Variants in RHBG observed in about 807,000 individuals in gnomAD.
The protein encoded by RHBG is ammonium transporter Rh type B.
In RHBG, 39 loss-of-function variants were observed where a neutral mutation model predicts 40.1. The ratio of observed to expected loss-of-function variants is 0.97; its 90% confidence interval spans 0.75 to 1.27. The LOEUF is 1.27. RHBG is among the 50% of genes most tolerant of loss of function. RHBG has a pLI of 0.00. For missense variants in RHBG, 549 were observed against 588.1 expected, an observed-to-expected ratio of 0.93 and a Z score of 0.69; for synonymous variants, 237 against 252.5, an observed-to-expected ratio of 0.94 and a Z score of 0.58.
At chr1:156,380,269 C>G (rs1472928767) in intron 4 of RHBG, among the ~76,000 whole-genome samples, 1 of 151,908 alleles carries the variant, frequency 6.6e-6, no homozygotes, top group East Asian at 2.0e-4. Context: ...TGCCACCATG[C>G]CTGGCTAATT....
chr1:156,376,466 C>G (rs1319707948), intron 1 of RHBG, among the ~76,000 whole-genome samples: 4 of 151,534 alleles, frequency 2.6e-5, no homozygotes, highest in African/African-American at 9.7e-5. Context: ...TGGGTTCAGG[C>G]AATTTTTGTC....
chr1:156,373,595 C>T (rs988621989), intron 1 of RHBG, among the ~76,000 whole-genome samples: 2 of 152,178 alleles, frequency 1.3e-5, no homozygotes, highest in African/African-American at 2.4e-5. Flanking sequence ...AAGAATTTCT[C>T]ATTGTGGAAT....
rs193181406 is a variant in RHBG at position 156,381,990 on chromosome 1, C to A, written c.978+47C>A. 2,449 of 1,609,164 alleles carry A rather than the reference C, an allele frequency of 1.5e-3. 7 individuals carry two copies. The highest frequency in any genetic ancestry group is 1.8e-3 in the Non-Finnish European group (2,131 of 1,178,862). On this transcript the variant is annotated intron_variant, in intron 6 of 9. Transcript: ENST00000537040. ...TGGGCAGAACATGGAGTCTTTGGTA[C>A]CTTTCCTCCCGCCTCTCCAACAGGA...
rs939947712 is a variant in RHBG at position 156,381,201 on chromosome 1, C to T, written c.674-146C>T. On this transcript the variant is annotated intron_variant, in intron 4 of 9. Transcript: ENST00000537040. ...ACAGGCGTGAGCCACCGTGCCCAGC[C>T]CAAGGTGGTATTATTATCAATCCCA... 13 of 861,004 alleles carry T rather than the reference C, an allele frequency of 1.5e-5. No individual in the cohort carries two copies. In the African/African-American group the frequency reaches 2.0e-4, roughly 13 times the overall value. 53.3% of individuals were successfully genotyped at this position (861,004 alleles called of 1,614,324 possible). A position where few individuals can be genotyped will look rare whatever the true frequency, so the allele number is the denominator to read the frequency against.
At chr1:156,372,504 G>T (rs913194622) in intron 1 of RHBG, among the ~76,000 whole-genome samples, 1 of 152,230 alleles carries the variant, frequency 6.6e-6, no homozygotes, top group African/African-American at 2.4e-5. Flanking sequence ...CTTACTTGCA[G>T]AGAGAGGGAT....
Position 156,377,385 on chromosome 1 carries a change from G to A in RHBG, c.272G>A (p.Gly91Asp). Reference sequence around the variant, plus strand: ...CAGCGTTACGGCTTCAGCAGCGTGGGCTTCACCTTCCTCCTGGCCGCCTTT... The same window carrying A: ...CAGCGTTACGGCTTCAGCAGCGTGGACTTCACCTTCCTCCTGGCCGCCTTT... The part of the protein sequence containing the change: ...FLQRYGFSSV[G>D]FTFLLAAFAL... Residue 91 changes from glycine to aspartate, a missense_variant, in exon 2 of 10, where the codon GGC (glycine) becomes GAC (aspartate). By Grantham distance (94) the Gly-to-Asp change is moderately conservative. Coordinates refer to ENST00000537040, the MANE Select transcript of RHBG (RefSeq NM_020407.5). The surrounding 1 kb of genome is among the most constrained non-coding windows in gnomAD (Gnocchi z 4.6). The A allele has an allele frequency of 1.9e-6, 3 of 1,614,228 alleles. No homozygotes were observed. Among genetic ancestry groups the A allele is most frequent in the Non-Finnish European group, 2.5e-6 (3 of 1,180,038 alleles).
chr1:156,371,316 C>T, intron 1 of RHBG: 2 of 318,832 alleles, frequency 6.3e-6, no homozygotes, highest in South Asian at 2.4e-5. Flanking sequence ...CCCACCAAAA[C>T]ACCTAGATAA....
In RHBG at chr1:156,382,621, C is replaced by A. The variant is rs140359343; in HGVS notation, c.1113-127C>A. ...GAGGTGAGACTCAGCCTGGCATGCA[C>A]CCTCGAGACCCTCTTGGCCACTTCC... On this transcript the variant is annotated intron_variant, in intron 7 of 9. Coordinates refer to ENST00000537040, the MANE Select transcript of RHBG (RefSeq NM_020407.5). The A allele has an allele frequency of 8.8e-4, 1,046 of 1,183,194 alleles. 8 individuals carry two copies. In the African/African-American group the frequency reaches 0.014, roughly 16 times the overall value. The allele number at this position is 1,183,194 out of a possible 1,614,324, so 73.3% of individuals were successfully genotyped here. A position where few individuals can be genotyped will look rare whatever the true frequency, so the allele number is the denominator to read the frequency against.
chr1:156,381,223 C>T, intron 4 of RHBG, 124 bp from the exon 5 acceptor site: 1 of 995,524 alleles, frequency 1.0e-6, no homozygotes. Context: ...TATTATCAAT[C>T]CCACTGAACA....
intron 7 of RHBG, chr1:156,382,486 G>T (rs1391649238): frequency 1.4e-5 from 9 of 630,180 alleles, no homozygotes; most frequent in Non-Finnish European, 2.2e-5. Flanking sequence ...CACATCAAGG[G>T]TGGGCAAAAG....
chr1:156,369,320 G>T lies in RHBG; in HGVS notation c.71G>T (p.Gly24Val). The T allele has an allele frequency of 6.2e-7, 1 of 1,614,202 alleles. No homozygotes were observed. The highest frequency in any genetic ancestry group is 8.5e-7 in the Non-Finnish European group (1 of 1,180,046). Residue 24 changes from glycine to valine, a missense_variant, in exon 1 of 10, where the codon GGC becomes GTC. Physicochemically the swap from Gly to Val is moderately radical, Grantham distance 109. Coordinates refer to ENST00000537040, the MANE Select transcript of RHBG (RefSeq NM_020407.5). Reference sequence around the variant, plus strand: ...CCCCTGCTGTGCCTCTTCCTCCAGGGCGCCACTGCCGTCCTCTTTGCTGTC... The same window carrying T: ...CCCCTGCTGTGCCTCTTCCTCCAGGTCGCCACTGCCGTCCTCTTTGCTGTC... The part of the protein sequence containing the change: ...QLPLLCLFLQ[G>V]ATAVLFAVFV...
intron 1 of RHBG, chr1:156,371,039 A>G: frequency 3.1e-6 from 1 of 322,486 alleles, no homozygotes; most frequent in South Asian, 2.4e-5. Context: ...TCCAAGCCTC[A>G]GTTTTTCCCC....
chr1:156,369,937 G>A (rs1031275121), intron 1 of RHBG, among the ~76,000 whole-genome samples: 3 of 152,096 alleles, frequency 2.0e-5, no homozygotes, highest in Non-Finnish European at 2.9e-5. Context: ...GGTATGAATC[G>A]CCCACACGTG....
intron 8 of RHBG, among the ~76,000 whole-genome samples, chr1:156,383,898 A>T (rs887306807): frequency 1.0e-4 from 14 of 136,656 alleles, no homozygotes; most frequent in Non-Finnish European, 1.8e-4. Context: ...CAATGGCATG[A>T]TCTCAGCTCA....
chr1:156,374,548 C>T, intron 1 of RHBG: 1 of 437,944 alleles, frequency 2.3e-6, no homozygotes, highest in South Asian at 1.6e-5. Flanking sequence ...TTATAATGTC[C>T]TCCAGTTCCA....
At position 156,377,369 on chromosome 1, in the gene RHBG, G is replaced by T. The variant is rs200069134; in HGVS notation, c.256G>T (p.Gly86Cys). 1.2e-6 allele frequency: 2 copies of T among 1,613,966 alleles called. No homozygotes were observed. Among genetic ancestry groups the T allele is most frequent in the African/African-American group, 1.3e-5 (1 of 74,916 alleles). ...CCTCATGGTCTTCCTGCAGCGTTAC[G>T]GCTTCAGCAGCGTGGGCTTCACCTT... ...GFLMVFLQRY[G>C]FSSVGFTFLL... The change falls in exon 2 of 10, where the codon GGC (glycine) becomes TGC (cysteine). Residue 86 changes from glycine (G) to cysteine (C), a missense_variant. Gly to Cys is a radical substitution (Grantham distance 159, BLOSUM62 -3). Around this residue, in one of 3 missense-constraint regions of RHBG, gnomAD observed 51 missense variants for 85.9 expected, o/e 0.59. Transcript: ENST00000537040. This position sits in a 1 kb window ranked among gnomAD's most constrained non-coding sequence, Gnocchi z 4.6.
intron 1 of RHBG, 30 bp downstream of exon 1, chr1:156,369,466 C>A: frequency 6.4e-7 from 1 of 1,566,384 alleles, no homozygotes; most frequent in Non-Finnish European, 8.7e-7. Context: ...GCGCGGGAAG[C>A]AAAGACCCCA....
At chr1:156,380,725 CAAA>C (rs564713959) in intron 4 of RHBG, among the ~76,000 whole-genome samples, 33,287 of 80,888 alleles carry the variant, frequency 0.41, 4,435 homozygotes, top group Non-Finnish European at 0.47. Flanking sequence ...GACCTTGTCT[CAAA>C]AAAAAAAAAA....
chr1:156,369,237 C>A lies in RHBG; in HGVS notation c.-13C>A. On this transcript the variant is annotated 5_prime_UTR_variant, in exon 1 of 10. Coordinates refer to ENST00000537040, the MANE Select transcript of RHBG (RefSeq NM_020407.5). ...AAAGCCTGCGAGCGCCAGCCGAGAT[C>A]GCAGCCCAACCCATGGCCGGGTCTC... is the stretch of plus-strand genomic sequence containing the variant. 6.2e-7 allele frequency: 1 copy of A among 1,608,220 alleles called. No homozygotes were observed. Among genetic ancestry groups the A allele is most frequent in the Non-Finnish European group, 8.5e-7 (1 of 1,177,710 alleles).
Sources: allele counts gnomAD v4.1 joint callset (sites outside exome capture counted in the v4.1 genomes callset), GRCh38; gene constraint gnomAD v4.1.1; regional missense constraint gnomAD v4.1.1; non-coding constraint Gnocchi (gnomAD v3.1); transcripts MANE v1.5; gene names NCBI Gene and HGNC (gene_info 2026-07-23, HGNC 2026-07-21).